Variants in SNX24 observed in about 807,000 individuals in gnomAD.
SNX24 encodes sorting nexin 24, also known as sorting nexin-24.
A neutral mutation model predicts 28.7 loss-of-function variants in SNX24; 22 were observed. The observed-to-expected ratio is 0.77, with a 90% CI of 0.55 to 1.10. The LOEUF (loss-of-function observed/expected upper bound fraction) is 1.10, where lower values mean the gene tolerates loss of function less well. Among genes scored for constraint, SNX24 ranks in the 50% least tolerant of loss-of-function variants. The pLI is 0.00. For synonymous variants in SNX24, 69 were observed against 71.5 expected, an observed-to-expected ratio of 0.96 and a Z score of 0.18; for missense variants, 221 against 201.1, an observed-to-expected ratio of 1.10 and a Z score of -0.60.
chr5:123,002,492 C>T (rs1762279377), intron 6 of SNX24, among the ~76,000 whole-genome samples: 1 of 152,096 alleles, frequency 6.6e-6, no homozygotes, highest in Non-Finnish European at 1.5e-5. Flanking sequence ...ATTAGCCGGG[C>T]GTGGTGGCCG....
intron 1 of SNX24, among the ~76,000 whole-genome samples, chr5:122,848,424 C>T (rs531967936): frequency 6.7e-6 from 1 of 149,514 alleles, no homozygotes; most frequent in African/African-American, 2.5e-5. Flanking sequence ...TTAAAACGGC[C>T]GGGGCGTGGT....
chr5:122,885,610 T>G lies in SNX24; in HGVS notation c.60+39917T>G, dbSNP rs139406389. Among the ~76,000 whole-genome samples, 579 of 152,126 alleles carry G rather than the reference T, an allele frequency of 3.8e-3. 2 individuals carry two copies. Among genetic ancestry groups the G allele is most frequent in the African/African-American group, 0.013 (543 of 41,504 alleles). On this transcript the variant is annotated intron_variant, in intron 1 of 6. Transcript: ENST00000261369. The stretch of plus-strand genomic sequence containing the variant: ...TTGGGGTGGAAAGGCCTACAGCCTA[T>G]TCTCAGTCTGCCAGCTTAACTCTGG...
At chr5:123,012,294 A>C (rs1434331919), downstream of SNX24, among the ~76,000 whole-genome samples, 2 of 152,244 alleles carry the variant, frequency 1.3e-5, no homozygotes, top group East Asian at 3.8e-4. Context: ...AGTAGCCAAA[A>C]GGTGGAAACA....
chr5:122,949,226 A>T (rs1759828851), intron 3 of SNX24, among the ~76,000 whole-genome samples: 1 of 152,174 alleles, frequency 6.6e-6, no homozygotes, highest in African/African-American at 2.4e-5. Context: ...AATAAAACTA[A>T]TGAAAATGAG....
At chr5:123,020,781 T>G (rs2150186944) in intron 5 of SNX24, among the ~76,000 whole-genome samples, 1 of 152,182 alleles carries the variant, frequency 6.6e-6, no homozygotes, top group East Asian at 1.9e-4. Context: ...TTCGGAACCT[T>G]TCTGTCTTCT....
At chr5:123,011,296 C>A (rs1368211513), downstream of SNX24, among the ~76,000 whole-genome samples, 5 of 152,206 alleles carry the variant, frequency 3.3e-5, no homozygotes, top group African/African-American at 1.2e-4. Flanking sequence ...TTTGCCTGGA[C>A]TGTCTTCGAT....
At chr5:122,879,159 T>C (rs1406092570) in intron 1 of SNX24, among the ~76,000 whole-genome samples, 1 of 152,180 alleles carries the variant, frequency 6.6e-6, no homozygotes, top group Non-Finnish European at 1.5e-5. Context: ...CTTGTTATTT[T>C]TGTAGTAATT....
intron 1 of SNX24, among the ~76,000 whole-genome samples, chr5:122,854,473 A>T (rs1003838735): frequency 2.5e-4 from 38 of 149,760 alleles, no homozygotes; most frequent in African/African-American, 9.3e-4. Context: ...ATGCCACTGC[A>T]CTCCAGCCTG....
At chr5:122,875,662 T>C (rs970591569) in intron 1 of SNX24, among the ~76,000 whole-genome samples, 1 of 152,254 alleles carries the variant, frequency 6.6e-6, no homozygotes. Flanking sequence ...GCCATTACTT[T>C]CAGTGGCAGA....
chr5:122,981,284 G>A, intron 3 of SNX24, among the ~76,000 whole-genome samples: 1 of 152,128 alleles, frequency 6.6e-6, no homozygotes, highest in East Asian at 1.9e-4. Flanking sequence ...CCTACACTGA[G>A]TATTAGCCAT....
At chr5:122,947,641 A>G (rs1759746608) in intron 3 of SNX24, among the ~76,000 whole-genome samples, 1 of 152,170 alleles carries the variant, frequency 6.6e-6, no homozygotes, top group Non-Finnish European at 1.5e-5. Context: ...GAGACTGAGG[A>G]GCTATGATCC....
intron 3 of SNX24, among the ~76,000 whole-genome samples, chr5:122,978,829 C>G (rs371129499): frequency 3.3e-5 from 5 of 152,270 alleles, no homozygotes; most frequent in African/African-American, 1.2e-4. Flanking sequence ...TGAGAAAGAG[C>G]TGAAAAGGTT....
Position 122,887,008 on chromosome 5 carries a change from G to A in SNX24, c.60+41315G>A, listed in dbSNP as rs558512546. On this transcript the variant is annotated intron_variant, in intron 1 of 6. Coordinates refer to ENST00000261369, the MANE Select transcript of SNX24 (RefSeq NM_014035.4). The stretch of plus-strand genomic sequence containing the variant: ...TTTAACAAATAATTTATTCATATCC[G>A]TACTTACTGTTTTTTCCTGCATCCC... Among the ~76,000 whole-genome samples the A allele has an allele frequency of 8.6e-5, 13 of 151,946 alleles. No individual in the cohort carries two copies. The East Asian group carries it at 9.7e-4, about 11-fold the overall frequency.
chr5:123,023,324 G>A (rs1561745902), intron 5 of SNX24: 1 of 152,178 alleles, frequency 6.6e-6, no homozygotes. Flanking sequence ...GCTAGAGTGT[G>A]TGTATTTTTG....
intron 1 of SNX24, among the ~76,000 whole-genome samples, chr5:122,916,005 G>A (rs919420299): frequency 3.6e-4 from 55 of 152,234 alleles, no homozygotes; most frequent in Non-Finnish European, 2.9e-5. Flanking sequence ...TCCCCTCATA[G>A]CATGGCGAAG....
chr5:122,965,820 TG>T (rs1368246385), intron 3 of SNX24, among the ~76,000 whole-genome samples: 1 of 152,244 alleles, frequency 6.6e-6, no homozygotes, highest in African/African-American at 2.4e-5. Flanking sequence ...AATGCTGTGA[TG>T]TTTCCAATTA....
chr5:122,948,797 A>G (rs1759806649), intron 3 of SNX24, among the ~76,000 whole-genome samples: 1 of 152,226 alleles, frequency 6.6e-6, no homozygotes, highest in Non-Finnish European at 1.5e-5. Flanking sequence ...TTAGTTTCCT[A>G]ACATCCAGTA....
At position 122,893,630 on chromosome 5, in the gene SNX24, C is replaced by T. The variant is rs74760847; in HGVS notation, c.61-43104C>T. Among the ~76,000 whole-genome samples the T allele has an allele frequency of 4.3e-3, 648 of 152,234 alleles. 5 individuals are homozygous for T. Among genetic ancestry groups the T allele is most frequent in the African/African-American group, 0.015 (616 of 41,534 alleles). ...TTTCCCTCATGCATAATAATTCTAG[C>T]ATTTCAGCCCAAAACTGTTTTAACA... On this transcript the variant is annotated intron_variant, in intron 1 of 6. Coordinates refer to ENST00000261369, the MANE Select transcript of SNX24 (RefSeq NM_014035.4).
intron 1 of SNX24, among the ~76,000 whole-genome samples, chr5:122,851,415 C>T (rs1219290318): frequency 6.6e-6 from 1 of 152,188 alleles, no homozygotes. Context: ...GATCCACATG[C>T]CTCAGCCTCC....
Sources: allele counts gnomAD v4.1 joint callset (sites outside exome capture counted in the v4.1 genomes callset), GRCh38; gene constraint gnomAD v4.1.1; transcripts MANE v1.5; gene names NCBI Gene and HGNC (gene_info 2026-07-23, HGNC 2026-07-21).